ZC3H13: variants seen among roughly 807,000 people sequenced by gnomAD.
ZC3H13 encodes the protein zinc finger CCCH-type containing 13.
ZC3H13 carries 64 observed loss-of-function variants against 204.1 expected under a neutral mutation model. The ratio of observed to expected loss-of-function variants is 0.31; its 90% CI spans 0.26 to 0.39. The LOEUF is 0.39. Among genes scored for constraint, ZC3H13 ranks in the 10% least tolerant of loss-of-function variants. ZC3H13 has a pLI of 1.00. For missense variants in ZC3H13, 1,833 were observed against 2,082.7 expected, an observed-to-expected ratio of 0.88 and a Z score of 2.33; for synonymous variants, 667 against 693.7, an observed-to-expected ratio of 0.96 and a Z score of 0.60.
intron 7 of ZC3H13, among the ~76,000 whole-genome samples, chr13:46,007,882 A>G (rs2041263737): frequency 6.6e-6 from 1 of 152,176 alleles, no homozygotes; most frequent in South Asian, 2.1e-4. Flanking sequence ...CTGTACAAAG[A>G]GCTATAAAGA....
chr13:46,034,121 T>C (rs111996507), intron 4 of ZC3H13, among the ~76,000 whole-genome samples: 24 of 152,212 alleles, frequency 1.6e-4, no homozygotes, highest in African/African-American at 5.5e-4. Context: ...ATATACCCAC[T>C]AGAAGGGCTA....
chr13:45,963,291 T>A, intron 17 of ZC3H13: 2 of 986,694 alleles, frequency 2.0e-6, no homozygotes, highest in Non-Finnish European at 2.4e-6. Flanking sequence ...TGGGTAGATG[T>A]CTAGGGGAAA....
chr13:45,972,248 T>C (rs890359980), intron 12 of ZC3H13, among the ~76,000 whole-genome samples: 1 of 151,354 alleles, frequency 6.6e-6, no homozygotes, highest in Non-Finnish European at 1.5e-5. Flanking sequence ...AGAACCAACC[T>C]AAGTGCCCAT....
chr13:46,029,663 C>T (rs1033831302), intron 4 of ZC3H13, among the ~76,000 whole-genome samples: 1 of 151,592 alleles, frequency 6.6e-6, no homozygotes, highest in Non-Finnish European at 1.5e-5. Flanking sequence ...CTCCTGACCT[C>T]GTGATCCGCC....
chr13:46,014,390 T>C (rs2041783095), intron 5 of ZC3H13, among the ~76,000 whole-genome samples: 2 of 152,150 alleles, frequency 1.3e-5, no homozygotes, highest in Admixed American at 1.3e-4. Flanking sequence ...TGTGTGATGT[T>C]CCCCTCTCTG....
intron 4 of ZC3H13, among the ~76,000 whole-genome samples, chr13:46,034,614 GATA>G (rs2139038815): frequency 6.6e-6 from 1 of 152,260 alleles, no homozygotes; most frequent in African/African-American, 2.4e-5. Context: ...AAGGCATGAA[GATA>G]TGTTTTCGGT....
intron 7 of ZC3H13, among the ~76,000 whole-genome samples, chr13:46,008,900 G>A (rs2041347767): frequency 6.6e-6 from 1 of 152,026 alleles, no homozygotes; most frequent in Admixed American, 6.6e-5. Context: ...TGAGGGAGAG[G>A]ATCAACTCAA....
At chr13:45,959,699 A>G in intron 17 of ZC3H13, 53 bp from the exon 18 acceptor site, 1 of 1,449,034 alleles carries the variant, frequency 6.9e-7, no homozygotes, top group Non-Finnish European at 9.1e-7. Flanking sequence ...GAAAAGGGTT[A>G]CCAACTACTT....
intron 4 of ZC3H13, among the ~76,000 whole-genome samples, chr13:46,040,257 T>TA (rs1187296578): frequency 2.6e-5 from 4 of 152,182 alleles, no homozygotes; most frequent in African/African-American, 9.6e-5. Context: ...AGGGCTTTTT[T>TA]ACCATGGGTC....
chr13:45,965,165 G>A (rs1392939078), intron 16 of ZC3H13, 115 bp downstream of exon 16: 2 of 1,325,088 alleles, frequency 1.5e-6, no homozygotes, highest in African/African-American at 3.0e-5. Context: ...TAAGTAAAAT[G>A]TAAAAGGAAA....
At chr13:45,987,031 C>T (rs1176901030) in intron 9 of ZC3H13, among the ~76,000 whole-genome samples, 1 of 152,130 alleles carries the variant, frequency 6.6e-6, no homozygotes, top group African/African-American at 2.4e-5. Context: ...ACTTCTATTC[C>T]TCCCCCAATA....
intron 7 of ZC3H13, 139 bp from the exon 8 acceptor site, chr13:46,003,475 A>G: frequency 3.0e-6 from 2 of 674,944 alleles, no homozygotes; most frequent in Non-Finnish European, 2.3e-6. Flanking sequence ...TATCAAGAAG[A>G]AAAAAAAACT....
chr13:45,983,094 T>C (rs1953800766), intron 10 of ZC3H13, among the ~76,000 whole-genome samples: 1 of 152,046 alleles, frequency 6.6e-6, no homozygotes, highest in Non-Finnish European at 1.5e-5. Flanking sequence ...GATTTGAAAG[T>C]GTAGTTAAAA....
intron 17 of ZC3H13, 172 bp downstream of exon 17, chr13:45,963,670 A>C (rs1039734372): frequency 6.9e-7 from 1 of 1,440,726 alleles, no homozygotes; most frequent in African/African-American, 1.4e-5. Context: ...TCTCAAAATA[A>C]ATTTTAAAGA....
At position 45,985,405 on chromosome 13, in the gene ZC3H13, T is replaced by G; in HGVS notation, c.1612A>C (p.Ser538Arg). The change falls in exon 10 of 19, where the codon AGT (serine) becomes CGT (arginine). Residue 538 changes from serine to arginine, a missense_variant. Transcript: ENST00000679008. ...SYGRNHLREE[S>R]SRTEIRNESR... is the part of the protein sequence containing the mutation. ...TCATTCCTTATTTCCGTACGAGAAC[T>G]TTCTTCTCTCAAATGGTTTCGGCCA... 2 of 1,614,226 alleles carry G rather than the reference T, an allele frequency of 1.2e-6. No individual in the cohort carries two copies. Among genetic ancestry groups the G allele is most frequent in the Non-Finnish European group, 1.7e-6 (2 of 1,180,024 alleles).
intron 4 of ZC3H13, among the ~76,000 whole-genome samples, chr13:46,034,572 A>G (rs1160886149): frequency 6.6e-6 from 1 of 152,192 alleles, no homozygotes; most frequent in Non-Finnish European, 1.5e-5. Context: ...AGAGGTTATC[A>G]GGAGTGAGTT....
At position 45,975,474 on chromosome 13, in the gene ZC3H13, C is replaced by T. The variant is rs751048181; in HGVS notation, c.2277G>A (p.Glu759=). Residue 759 remains glutamate (E), a synonymous_variant, in exon 12 of 19, where the codon GAG becomes GAA. Coordinates refer to ENST00000679008, the MANE Select transcript of ZC3H13 (RefSeq NM_001330564.2). ...REREREERER[E]RERERERERE... ...GCTCTCTCTCCCGTTCTCGCTCTCTCTCCCTCTCTCTCTCTTCTCTTTCTC... is the reference window on the plus strand; with the variant it reads ...GCTCTCTCTCCCGTTCTCGCTCTCTTTCCCTCTCTCTCTCTTCTCTTTCTC... 6.2e-7 allele frequency: 1 copy of T among 1,613,486 alleles called. No homozygotes were observed. Among genetic ancestry groups the T allele is most frequent in the South Asian group, 1.1e-5 (1 of 91,040 alleles).
chr13:45,984,155 A>G (rs1953961526), intron 10 of ZC3H13, among the ~76,000 whole-genome samples: 1 of 152,272 alleles, frequency 6.6e-6, no homozygotes, highest in Non-Finnish European at 1.5e-5. Context: ...TTACTAGTTG[A>G]AAATAGTAGG....
At chr13:46,019,978 T>G (rs1314711987) in intron 5 of ZC3H13, among the ~76,000 whole-genome samples, 2 of 152,158 alleles carry the variant, frequency 1.3e-5, no homozygotes, top group Admixed American at 6.6e-5. Flanking sequence ...ATTTTTTTGC[T>G]AATTTTTTAT....
Sources: allele counts gnomAD v4.1 joint callset (sites outside exome capture counted in the v4.1 genomes callset), GRCh38; gene constraint gnomAD v4.1.1; transcripts MANE v1.5; gene names NCBI Gene and HGNC (gene_info 2026-07-23, HGNC 2026-07-21).